Variants in SORT1 observed in about 807,000 individuals in gnomAD.
The protein encoded by SORT1 is sortilin 1, also known as sortilin.
In SORT1, 39 loss-of-function variants were observed where a neutral mutation model predicts 101.7. The observed-to-expected ratio is 0.38, with a 90% CI of 0.30 to 0.50. The LOEUF is 0.50. Among genes scored for constraint, SORT1 ranks in the 20% least tolerant of loss-of-function variants. The probability of loss-of-function intolerance (pLI) is 0.90; values close to 1 mark genes in which losing one functional copy is unlikely to be tolerated. For synonymous variants in SORT1, 396 were observed against 393.7 expected (o/e 1.01, Z -0.07); for missense variants, 878 against 1,040.4 (o/e 0.84, Z 2.15).
At chr1:109,344,248 C>G (rs1020322321) in intron 8 of SORT1, among the ~76,000 whole-genome samples, 1 of 152,156 alleles carries the variant, frequency 6.6e-6, no homozygotes, top group Non-Finnish European at 1.5e-5. Flanking sequence ...TGCTTCTGCG[C>G]GTGCCCCTGT....
chr1:109,369,235 T>C (rs1051904937), intron 2 of SORT1, among the ~76,000 whole-genome samples: 4 of 152,098 alleles, frequency 2.6e-5, no homozygotes, highest in Admixed American at 2.6e-4. Flanking sequence ...GGCAGGAGAA[T>C]CGCTTGAACC....
intron 13 of SORT1, 141 bp from the exon 14 acceptor site, chr1:109,325,230 A>AT: frequency 5.0e-6 from 2 of 397,624 alleles, no homozygotes; most frequent in Admixed American, 5.0e-5. Context: ...AATTATTTTA[A>AT]CTTTTTTTTT....
rs57014091 is a variant in SORT1, at chr1:109,375,541, C to CAAAAAAAAAAAA, written c.307-5964_307-5953dup. Among the ~76,000 whole-genome samples the CAAAAAAAAAAAA allele has an allele frequency of 5.3e-3, 374 of 71,036 alleles. 20 individuals carry two copies. Among genetic ancestry groups the CAAAAAAAAAAAA allele is most frequent in the Middle Eastern group, 0.012 (1 of 86 alleles). 46.6% of individuals were successfully genotyped at this position (71,036 alleles called of 152,430 possible). A position where few individuals can be genotyped will look rare whatever the true frequency, so the allele number is the denominator to read the frequency against. ...CCTGGGCGACAGTGAGACTCCGTTT[C>CAAAAAAAAAAAA]AAAAAAAAAAAAAAAAGATATAATA... On this transcript the variant is annotated intron_variant, in intron 1 of 19. Coordinates refer to ENST00000256637, the MANE Select transcript of SORT1 (RefSeq NM_002959.7).
At chr1:109,362,000 TTAAA>T (rs1202370875) in intron 3 of SORT1, among the ~76,000 whole-genome samples, 5 of 152,148 alleles carry the variant, frequency 3.3e-5, no homozygotes, top group African/African-American at 7.2e-5. Flanking sequence ...CTTTTTCTGT[TTAAA>T]TAGCCTCCAA....
At chr1:109,369,706 T>G in intron 1 of SORT1, 117 bp from the exon 2 acceptor site, 1 of 712,960 alleles carries the variant, frequency 1.4e-6, no homozygotes, top group Non-Finnish European at 2.5e-6. Context: ...AATTACAAAG[T>G]GGGTATGGAT....
chr1:109,315,861 G>T (rs2101524696), intron 17 of SORT1, among the ~76,000 whole-genome samples: 1 of 150,580 alleles, frequency 6.6e-6, no homozygotes, highest in South Asian at 2.1e-4. Flanking sequence ...AGGCTCAGGT[G>T]ATTCTCTCCC....
chr1:109,346,403 G>A (rs1487554058), intron 7 of SORT1, among the ~76,000 whole-genome samples: 1 of 151,618 alleles, frequency 6.6e-6, no homozygotes, highest in Non-Finnish European at 1.5e-5. Flanking sequence ...TATGCTCAAT[G>A]GAAAGGTAAG....
chr1:109,360,537 T>C (rs1389124755), intron 3 of SORT1, among the ~76,000 whole-genome samples: 1 of 150,446 alleles, frequency 6.6e-6, no homozygotes, highest in Non-Finnish European at 1.5e-5. Flanking sequence ...GGTCTCACTA[T>C]GTTGCCCAGG....
At chr1:109,377,026 C>T (rs1651901230) in intron 1 of SORT1, among the ~76,000 whole-genome samples, 1 of 152,174 alleles carries the variant, frequency 6.6e-6, no homozygotes, top group South Asian at 2.1e-4. Flanking sequence ...GCCTAAGTCC[C>T]ATCTTTCACT....
Position 109,397,721 on chromosome 1 carries a change from A to G in SORT1, c.172T>C (p.Trp58Arg). ...CCGGCTGCGGCCGCCCGCAGCCCCC[A>G]GCTCACCCCGATGGGGCCAGACCAG... Reference protein sequence around the residue: ...PRWSGPIGVSWGLRAAAAGGA... With the variant: ...PRWSGPIGVSRGLRAAAAGGA... The change falls in exon 1 of 20, where the codon TGG becomes CGG. Residue 58 changes from tryptophan (W) to arginine (R), a missense_variant. Transcript: ENST00000256637. The G allele has an allele frequency of 2.5e-6, 3 of 1,190,646 alleles. No individual in the cohort carries two copies. The highest frequency in any genetic ancestry group is 8.7e-5 in the East Asian group (2 of 22,948). 73.8% of individuals were successfully genotyped at this position (1,190,646 alleles called of 1,614,324 possible).
intron 6 of SORT1, among the ~76,000 whole-genome samples, chr1:109,349,509 T>C (rs1649823582): frequency 6.6e-6 from 1 of 151,854 alleles, no homozygotes; most frequent in African/African-American, 2.4e-5. Flanking sequence ...CCCATACCTA[T>C]AATCCCAGTA....
intron 14 of SORT1, among the ~76,000 whole-genome samples, chr1:109,323,379 T>C (rs1647772611): frequency 6.6e-6 from 1 of 152,228 alleles, no homozygotes; most frequent in Non-Finnish European, 1.5e-5. Flanking sequence ...TGTTTTGAAG[T>C]GGGAAGCTGG....
At chr1:109,365,227 A>G (rs566000853) in intron 3 of SORT1, among the ~76,000 whole-genome samples, 1 of 152,258 alleles carries the variant, frequency 6.6e-6, no homozygotes, top group African/African-American at 2.4e-5. Flanking sequence ...TCATGAGGAG[A>G]TATTTTATGT....
chr1:109,358,075 C>A (rs1343739815), intron 3 of SORT1, among the ~76,000 whole-genome samples: 7 of 152,172 alleles, frequency 4.6e-5, no homozygotes, highest in African/African-American at 1.7e-4. Context: ...TTTTTAAGAA[C>A]TTGGCACAAC....
intron 11 of SORT1, among the ~76,000 whole-genome samples, chr1:109,327,992 T>C (rs1328699263): frequency 6.6e-6 from 1 of 152,240 alleles, no homozygotes; most frequent in African/African-American, 2.4e-5. Flanking sequence ...GTCTGACTTA[T>C]TTCACTTGGC....
intron 1 of SORT1, among the ~76,000 whole-genome samples, chr1:109,380,377 C>T (rs1473827265): frequency 6.6e-6 from 1 of 151,874 alleles, no homozygotes; most frequent in Non-Finnish European, 1.5e-5. Context: ...AAAATCAGAA[C>T]TCATACTTAA....
At chr1:109,335,946 C>T (rs1261672270) in intron 11 of SORT1, among the ~76,000 whole-genome samples, 1 of 152,246 alleles carries the variant, frequency 6.6e-6, no homozygotes, top group African/African-American at 2.4e-5. Flanking sequence ...AAGCTGACCC[C>T]TAACTAATCA....
intron 18 of SORT1, 32 bp downstream of exon 18, chr1:109,314,640 C>G: frequency 6.9e-7 from 1 of 1,444,484 alleles, no homozygotes; most frequent in Non-Finnish European, 9.7e-7. Flanking sequence ...GGCTTGAACT[C>G]AGTACCTTGG....
At chr1:109,314,409 C>G in intron 18 of SORT1, 25 bp from the exon 19 acceptor site, 1 of 1,612,526 alleles carries the variant, frequency 6.2e-7, no homozygotes, top group Non-Finnish European at 8.5e-7. Context: ...CTCCTTAACA[C>G]TCGGTGGTAC....
Sources: gnomAD v4.1 joint callset for allele counts (sites outside exome capture counted in the v4.1 genomes callset) on GRCh38, gnomAD v4.1.1 for gene constraint, MANE v1.5 for transcripts, NCBI Gene and HGNC (gene_info 2026-07-23, HGNC 2026-07-21) for gene names.